KAT2B: variants seen among roughly 807,000 people sequenced by gnomAD.
The protein encoded by KAT2B is lysine acetyltransferase 2B, also known as histone acetyltransferase KAT2B.
Under a neutral mutation model 105.9 loss-of-function variants are expected in KAT2B, and 36 were observed. The observed-to-expected ratio is 0.34, with a 90% confidence interval of 0.26 to 0.45. The LOEUF (loss-of-function observed/expected upper bound fraction) is 0.45, where lower values mean the gene tolerates loss of function less well. KAT2B is among the 20% of genes least tolerant of loss of function. The probability of loss-of-function intolerance (pLI) is 1.00; values close to 1 mark genes in which losing one functional copy is unlikely to be tolerated. For synonymous variants in KAT2B, 397 were observed against 377.9 expected (o/e 1.05, Z -0.59); for missense variants, 820 against 1,021.6 (o/e 0.80, Z 2.69).
chr3:20,059,412 CAAAA>C (rs34763319), intron 1 of KAT2B, among the ~76,000 whole-genome samples: 2 of 38,334 alleles, frequency 5.2e-5, no homozygotes, highest in Non-Finnish European at 9.0e-5. Flanking sequence ...GACTCTGTCT[CAAAA>C]AAAAAAAAAA....
chr3:20,099,626 C>T (rs953488567), intron 3 of KAT2B, among the ~76,000 whole-genome samples: 1 of 152,124 alleles, frequency 6.6e-6, no homozygotes, highest in Non-Finnish European at 1.5e-5. Context: ...TTCTTCATAA[C>T]TCTGGCCGTG....
At chr3:20,046,116 A>G (rs1697806303) in intron 1 of KAT2B, among the ~76,000 whole-genome samples, 2 of 152,240 alleles carry the variant, frequency 1.3e-5, no homozygotes, top group Admixed American at 6.5e-5. Context: ...TTCCTAGAAC[A>G]TAAAGATGCT....
At chr3:20,054,700 G>A (rs2125168159) in intron 1 of KAT2B, among the ~76,000 whole-genome samples, 1 of 152,324 alleles carries the variant, frequency 6.6e-6, no homozygotes. Flanking sequence ...ATTGATGGTG[G>A]CAGTGCCAAT....
chr3:20,057,603 C>G (rs1428307504), intron 1 of KAT2B, among the ~76,000 whole-genome samples: 3 of 152,182 alleles, frequency 2.0e-5, no homozygotes, highest in Non-Finnish European at 4.4e-5. Flanking sequence ...CAGATAATTT[C>G]TGATAAATTC....
At chr3:20,113,658 C>T (rs1699158587) in intron 6 of KAT2B, among the ~76,000 whole-genome samples, 4 of 152,306 alleles carry the variant, frequency 2.6e-5, no homozygotes, top group Middle Eastern at 3.4e-3. Context: ...AGCAGAACCA[C>T]ACATGTTGAA....
chr3:20,132,799 A>G (rs2125185196), intron 11 of KAT2B, among the ~76,000 whole-genome samples: 1 of 152,346 alleles, frequency 6.6e-6, no homozygotes, highest in Non-Finnish European at 1.5e-5. Context: ...TTACCAAAGA[A>G]CCATTGTTGT....
At chr3:20,070,315 T>TC (rs1698298747) in intron 1 of KAT2B, among the ~76,000 whole-genome samples, 2 of 128,888 alleles carry the variant, frequency 1.6e-5, no homozygotes, top group South Asian at 5.7e-4. Context: ...CTTTCTTTTT[T>TC]TTTTTTTTGA....
At chr3:20,069,809 G>A (rs1698287278) in intron 1 of KAT2B, among the ~76,000 whole-genome samples, 1 of 152,200 alleles carries the variant, frequency 6.6e-6, no homozygotes, top group Non-Finnish European at 1.5e-5. Flanking sequence ...AATAACAGGT[G>A]TGAGCCACTG....
chr3:20,117,233 G>C (rs978648642), intron 7 of KAT2B, among the ~76,000 whole-genome samples: 1 of 152,144 alleles, frequency 6.6e-6, no homozygotes, highest in African/African-American at 2.4e-5. Context: ...TCGTTTTTCT[G>C]TGGCTAAGGT....
chr3:20,135,592 T>C (rs1209815753), intron 11 of KAT2B, among the ~76,000 whole-genome samples: 2 of 151,798 alleles, frequency 1.3e-5, no homozygotes, highest in Admixed American at 6.6e-5. Context: ...AGGCAGAGCT[T>C]GCAGTGACCC....
chr3:20,046,220 T>C (rs1697808177), intron 1 of KAT2B, among the ~76,000 whole-genome samples: 1 of 152,182 alleles, frequency 6.6e-6, no homozygotes, highest in African/African-American at 2.4e-5. Context: ...ACCCAGTTGC[T>C]TGGGTTCTCG....
At chr3:20,049,552 G>A (rs555032327) in intron 1 of KAT2B, among the ~76,000 whole-genome samples, 10 of 152,250 alleles carry the variant, frequency 6.6e-5, no homozygotes, top group South Asian at 2.1e-4. Context: ...CAAAACTTTC[G>A]CATGGGGTAG....
intron 11 of KAT2B, among the ~76,000 whole-genome samples, chr3:20,133,932 A>G (rs900567419): frequency 6.6e-6 from 1 of 151,892 alleles, no homozygotes; most frequent in Non-Finnish European, 1.5e-5. Flanking sequence ...CCTTTGACAA[A>G]TTTTCTTTTA....
chr3:20,138,093 A>G (rs896543307), intron 12 of KAT2B, among the ~76,000 whole-genome samples: 2 of 152,232 alleles, frequency 1.3e-5, no homozygotes, highest in African/African-American at 2.4e-5. Context: ...TTTTCTGACT[A>G]TAAAAGTAAT....
At chr3:20,092,535 T>G (rs1389435547) in intron 2 of KAT2B, among the ~76,000 whole-genome samples, 1 of 151,270 alleles carries the variant, frequency 6.6e-6, no homozygotes, top group African/African-American at 2.4e-5. Context: ...CAGCTCAGAT[T>G]TATTAATGTT....
chr3:20,040,647 C>A lies in KAT2B; in HGVS notation c.170C>A (p.Ala57Glu). ...TCGGGCGCCTGCGGTCCGGCGACGG[C>A]AGTGGCTGCAGCGGGCACGGCCGAA... ...GGSGACGPAT[A>E]VAAAGTAEGP... The change falls in exon 1 of 18, where the codon GCA (alanine) becomes GAA (glutamate). Residue 57 changes from alanine (A) to glutamate (E), a missense_variant. Coordinates refer to ENST00000263754, the MANE Select transcript of KAT2B (RefSeq NM_003884.5). The A allele has an allele frequency of 6.8e-7, 1 of 1,468,832 alleles. No homozygotes were observed. Among genetic ancestry groups the A allele is most frequent in the African/African-American group, 1.5e-5 (1 of 68,494 alleles). The allele number at this position is 1,468,832 out of a possible 1,614,324, so 91.0% of individuals were successfully genotyped here.
intron 12 of KAT2B, 49 bp downstream of exon 12, chr3:20,137,101 T>C (rs904276461): frequency 3.3e-6 from 3 of 913,620 alleles, no homozygotes; most frequent in South Asian, 1.3e-5. Context: ...TTTCTTAATA[T>C]GTTCTCAGGT....
At chr3:20,082,116 C>T (rs59200822) in intron 2 of KAT2B, among the ~76,000 whole-genome samples, 10,475 of 152,060 alleles carry the variant, frequency 0.069, 415 homozygotes, top group East Asian at 0.2. Flanking sequence ...CTTACTGCAG[C>T]CTCCACCTCC....
chr3:20,136,404 G>A (rs1278232293), intron 11 of KAT2B, among the ~76,000 whole-genome samples: 1 of 152,156 alleles, frequency 6.6e-6, no homozygotes, highest in African/African-American at 2.4e-5. Flanking sequence ...ACTTGGAAAG[G>A]TCTGATAAGA....
Sources: allele counts gnomAD v4.1 joint callset (sites outside exome capture counted in the v4.1 genomes callset), GRCh38; gene constraint gnomAD v4.1.1; transcripts MANE v1.5; gene names NCBI Gene and HGNC (gene_info 2026-07-23, HGNC 2026-07-21).